Variants in WWOX observed in about 807,000 individuals in gnomAD.
WWOX encodes WW domain containing oxidoreductase.
Under a neutral mutation model 46.2 loss-of-function variants are expected in WWOX, and 69 were observed. The observed-to-expected ratio is 1.49, with a 90% CI of 1.23 to 1.82. WWOX has a LOEUF of 1.82. WWOX is among the 40% of genes most tolerant of loss of function. The probability of loss-of-function intolerance (pLI) is 0.00; values close to 1 mark genes in which losing one functional copy is unlikely to be tolerated. For synonymous variants in WWOX, 359 were observed against 202.6 expected (o/e 1.77, Z -6.56); for missense variants, 919 against 542.6 (o/e 1.69, Z -6.89).
intron 6 of WWOX, among the ~76,000 whole-genome samples, chr16:78,412,650 G>C (rs893822948): frequency 6.6e-6 from 1 of 152,138 alleles, no homozygotes; most frequent in South Asian, 2.1e-4. Context: ...AAGTGAGGGA[G>C]GAGCAGGATC....
chr16:79,082,472 T>G (rs1254987505), intron 8 of WWOX, among the ~76,000 whole-genome samples: 1 of 152,218 alleles, frequency 6.6e-6, no homozygotes. Flanking sequence ...GCTACTTCTC[T>G]GGCCACTTTA....
At chr16:79,009,488 G>C (rs551174596) in intron 8 of WWOX, among the ~76,000 whole-genome samples, 1 of 150,996 alleles carries the variant, frequency 6.6e-6, no homozygotes, top group Non-Finnish European at 1.5e-5. Flanking sequence ...TTTTTTTTTA[G>C]ATGGACTTTC....
intron 5 of WWOX, among the ~76,000 whole-genome samples, chr16:78,164,576 C>T (rs1055983194): frequency 6.6e-6 from 1 of 152,136 alleles, no homozygotes; most frequent in African/African-American, 2.4e-5. Context: ...ACGTGGTGAA[C>T]GCCCATGATT....
intron 8 of WWOX, chr16:78,825,340 A>G (rs1034876677): frequency 3.5e-5 from 11 of 313,510 alleles, no homozygotes; most frequent in Non-Finnish European, 5.8e-5. Context: ...TCAAAGCTGA[A>G]CGGAATCAGT....
chr16:78,641,961 C>T (rs775127298), intron 8 of WWOX, among the ~76,000 whole-genome samples: 5 of 152,110 alleles, frequency 3.3e-5, no homozygotes, highest in Non-Finnish European at 5.9e-5. Context: ...TTATTCCTCC[C>T]CTTTTATCAA....
chr16:78,801,749 T>C (rs778942225), intron 8 of WWOX, among the ~76,000 whole-genome samples: 1 of 152,164 alleles, frequency 6.6e-6, no homozygotes, highest in Admixed American at 6.5e-5. Flanking sequence ...CTCCTTAGTG[T>C]ATATGGATTG....
chr16:78,871,077 C>T (rs1271476226), intron 8 of WWOX, among the ~76,000 whole-genome samples: 1 of 151,796 alleles, frequency 6.6e-6, no homozygotes, highest in Non-Finnish European at 1.5e-5. Flanking sequence ...CCCTATAGCT[C>T]ATAGAAGCAA....
intron 8 of WWOX, among the ~76,000 whole-genome samples, chr16:78,652,667 T>A (rs185290653): frequency 6.6e-6 from 1 of 152,258 alleles, no homozygotes; most frequent in Admixed American, 6.5e-5. Flanking sequence ...GACTCTGGAT[T>A]TATCATCCTC....
At chr16:78,632,089 G>C (rs536282153) in intron 8 of WWOX, among the ~76,000 whole-genome samples, 1 of 152,228 alleles carries the variant, frequency 6.6e-6, no homozygotes, top group East Asian at 1.9e-4. Flanking sequence ...GACCAAACTA[G>C]CAAATTCGCA....
rs2051768854 is a variant in WWOX at position 79,211,851 on chromosome 16, C to T, written c.*55C>T. The T allele has an allele frequency of 6.2e-7, 1 of 1,608,906 alleles. No individual in the cohort carries two copies. The stretch of plus-strand genomic sequence containing the variant: ...CCCGCCCTGTGTGTGTCCCCTCACG[C>T]AAGTGCCAGGGCTGGGCCCCTTCCA... On this transcript the variant is annotated 3_prime_UTR_variant, in exon 9 of 9. Transcript: ENST00000566780.
intron 8 of WWOX, among the ~76,000 whole-genome samples, chr16:78,940,314 C>G (rs930776751): frequency 6.6e-6 from 1 of 152,070 alleles, no homozygotes; most frequent in Admixed American, 6.6e-5. Context: ...ATTTATGAGT[C>G]GTCATTGCTC....
chr16:78,795,224 C>A (rs539507847), intron 8 of WWOX, among the ~76,000 whole-genome samples: 1 of 152,182 alleles, frequency 6.6e-6, no homozygotes, highest in Admixed American at 6.5e-5. Context: ...GTTATTCACA[C>A]TTCACAGATA....
chr16:78,898,937 G>C (rs532238105), intron 8 of WWOX: 26 of 152,196 alleles, frequency 1.7e-4, no homozygotes, highest in African/African-American at 6.3e-4. Context: ...TAGAAATACA[G>C]TTGATTCTAG....
At chr16:78,876,893 C>G (rs72804708) in intron 8 of WWOX, among the ~76,000 whole-genome samples, 18 of 152,306 alleles carry the variant, frequency 1.2e-4, no homozygotes, top group Non-Finnish European at 2.1e-4. Flanking sequence ...AGATAACACT[C>G]TGAATTCCTA....
At chr16:78,809,598 C>T (rs924928519) in intron 8 of WWOX, among the ~76,000 whole-genome samples, 7 of 152,138 alleles carry the variant, frequency 4.6e-5, no homozygotes, top group Admixed American at 3.9e-4. Context: ...TTTCCCTCCT[C>T]CTATCAGTTT....
At chr16:78,118,292 C>G (rs1020450822) in intron 4 of WWOX, among the ~76,000 whole-genome samples, 2 of 151,950 alleles carry the variant, frequency 1.3e-5, no homozygotes, top group Middle Eastern at 3.4e-3. Flanking sequence ...TGGAGGGATT[C>G]TTAATTCATC....
intron 8 of WWOX, among the ~76,000 whole-genome samples, chr16:78,757,782 C>T (rs1014085112): frequency 2.0e-5 from 3 of 152,010 alleles, no homozygotes; most frequent in African/African-American, 4.8e-5. Flanking sequence ...TAGCGACCTT[C>T]CTGCTATGTC....
intron 8 of WWOX, among the ~76,000 whole-genome samples, chr16:78,958,703 T>C (rs1173278575): frequency 3.3e-5 from 5 of 152,196 alleles, no homozygotes; most frequent in African/African-American, 1.2e-4. Flanking sequence ...ATAAATTACA[T>C]GGTATGTGCA....
intron 8 of WWOX, among the ~76,000 whole-genome samples, chr16:78,791,502 G>T (rs2050599221): frequency 6.6e-6 from 1 of 152,076 alleles, no homozygotes; most frequent in South Asian, 2.1e-4. Context: ...CGTGGTCTTG[G>T]CCTTTCTCTT....
Sources: allele counts gnomAD v4.1 joint callset (sites outside exome capture counted in the v4.1 genomes callset), GRCh38; gene constraint gnomAD v4.1.1; transcripts MANE v1.5; gene names NCBI Gene and HGNC (gene_info 2026-07-23, HGNC 2026-07-21).